THRB: variants seen among roughly 807,000 people sequenced by gnomAD.
The protein encoded by THRB is nuclear receptor subfamily 1 group A member 2.
A neutral mutation model predicts 47.8 loss-of-function variants in THRB; 12 were observed. The observed-to-expected ratio is 0.25, with a 90% CI of 0.16 to 0.41. THRB has a LOEUF of 0.41. Ranked by LOEUF, THRB falls within the 10% of genes least tolerant of loss-of-function variation. THRB has a pLI of 1.00. For synonymous variants in THRB, 218 were observed against 212.2 expected, an observed-to-expected ratio of 1.03 and a Z score of -0.24; for missense variants, 348 against 589.2, an observed-to-expected ratio of 0.59 and a Z score of 4.24.
intron 2 of THRB, among the ~76,000 whole-genome samples, chr3:24,325,920 T>TA (rs777325530): frequency 3.3e-5 from 5 of 152,184 alleles, no homozygotes; most frequent in African/African-American, 9.6e-5. Context: ...CAAAACCTGC[T>TA]AAGTGTTGAA....
chr3:24,253,593 A>G (rs369724243), intron 3 of THRB, among the ~76,000 whole-genome samples: 3 of 152,226 alleles, frequency 2.0e-5, no homozygotes, highest in South Asian at 4.1e-4. Context: ...TACAGGAGGC[A>G]GCAGATACTC....
chr3:24,187,498 C>T (rs1454218096), intron 5 of THRB, among the ~76,000 whole-genome samples: 2 of 152,154 alleles, frequency 1.3e-5, no homozygotes, highest in African/African-American at 2.4e-5. Flanking sequence ...ATCATTTCTA[C>T]ATGGGGTCCT....
Position 24,435,500 on chromosome 3 carries a change from C to T in THRB, c.-261+59152G>A, listed in dbSNP as rs564564743. On this transcript the variant is annotated intron_variant, in intron 1 of 10. Coordinates refer to ENST00000646209, the MANE Select transcript of THRB (RefSeq NM_001354712.2). ...GCACCACAGAGCCACATCCAAACCC[C>T]CCAGGGCCCTGAGCATCCCCATGTG... Among the ~76,000 whole-genome samples, 72 of 152,272 alleles carry T rather than the reference C, an allele frequency of 4.7e-4. 1 individual carries two copies. The highest frequency in any genetic ancestry group is 9.0e-4 in the Non-Finnish European group (61 of 68,018).
chr3:24,145,572 A>G (rs181933686), intron 7 of THRB, among the ~76,000 whole-genome samples: 1 of 151,368 alleles, frequency 6.6e-6, no homozygotes, highest in East Asian at 1.9e-4. Context: ...CCTTTAAGAG[A>G]TAAAGATAAA....
chr3:24,426,717 A>C (rs867236924), intron 1 of THRB, among the ~76,000 whole-genome samples: 2 of 151,992 alleles, frequency 1.3e-5, no homozygotes, highest in South Asian at 4.1e-4. Context: ...GCTCACAAGA[A>C]AATTTTTGGT....
Position 24,208,034 on chromosome 3 carries a change from C to A in THRB, c.23-17700G>T, listed in dbSNP as rs892627511. On this transcript the variant is annotated intron_variant, in intron 4 of 10. Transcript: ENST00000646209. ...AAAATCAATGTGCAAAAATCACAAG[C>A]ATTCCTATACACCAATAACAGACAA... Among the ~76,000 whole-genome samples the A allele has an allele frequency of 4.6e-5, 7 of 152,242 alleles. No homozygotes were observed. In the East Asian group the frequency reaches 1.4e-3, roughly 29 times the overall value.
At chr3:24,325,603 C>G (rs573334977) in intron 2 of THRB, among the ~76,000 whole-genome samples, 3 of 152,190 alleles carry the variant, frequency 2.0e-5, no homozygotes, top group Admixed American at 6.5e-5. Flanking sequence ...AGGAGAATCA[C>G]TTGAACCCAG....
In THRB at chr3:24,379,416, A is replaced by G. The variant is rs567899678; in HGVS notation, c.-260-42045T>C. 2.0e-5 allele frequency among the ~76,000 whole-genome samples: 3 copies of G among 152,286 alleles called. No individual in the cohort carries two copies. In the East Asian group the frequency reaches 5.8e-4, roughly 29 times the overall value. Reference sequence around the variant, plus strand: ...AATCTTGAGACGAACATTGTCTGACATGGAAAAGGACCCATGTCTCAAGCC... The same window carrying G: ...AATCTTGAGACGAACATTGTCTGACGTGGAAAAGGACCCATGTCTCAAGCC... On this transcript the variant is annotated intron_variant, in intron 1 of 10. Coordinates refer to ENST00000646209, the MANE Select transcript of THRB (RefSeq NM_001354712.2).
At chr3:24,309,845 C>T (rs1262804683) in intron 2 of THRB, among the ~76,000 whole-genome samples, 1 of 152,046 alleles carries the variant, frequency 6.6e-6, no homozygotes, top group Non-Finnish European at 1.5e-5. Context: ...TTGTAAAATA[C>T]GTAGGATGTA....
intron 1 of THRB, among the ~76,000 whole-genome samples, chr3:24,382,155 T>C (rs1179388757): frequency 6.6e-6 from 1 of 151,732 alleles, no homozygotes; most frequent in Non-Finnish European, 1.5e-5. Flanking sequence ...GAACAGATAA[T>C]AGAATGACTA....
intron 1 of THRB, among the ~76,000 whole-genome samples, chr3:24,356,060 T>C (rs1276531482): frequency 2.0e-5 from 3 of 152,114 alleles, no homozygotes; most frequent in African/African-American, 7.2e-5. Flanking sequence ...AGACAAATTA[T>C]GTGCTTCCAA....
At chr3:24,251,193 C>T (rs1237976535) in intron 3 of THRB, among the ~76,000 whole-genome samples, 2 of 151,992 alleles carry the variant, frequency 1.3e-5, no homozygotes, top group African/African-American at 4.8e-5. Flanking sequence ...CTATGTGAGA[C>T]CCTCAATGCT....
intron 1 of THRB, among the ~76,000 whole-genome samples, chr3:24,476,905 CATT>C (rs1375655143): frequency 6.6e-6 from 1 of 152,010 alleles, no homozygotes; most frequent in Non-Finnish European, 1.5e-5. Flanking sequence ...AAAATGATCT[CATT>C]ATCTCAATCA....
chr3:24,178,803 A>C (rs1179754951), intron 5 of THRB, among the ~76,000 whole-genome samples: 3 of 152,190 alleles, frequency 2.0e-5, no homozygotes, highest in Non-Finnish European at 2.9e-5. Flanking sequence ...GATGTTCGTC[A>C]AAGGGTACAT....
At chr3:24,352,197 G>C (rs2063401073) in intron 1 of THRB, among the ~76,000 whole-genome samples, 1 of 152,072 alleles carries the variant, frequency 6.6e-6, no homozygotes, top group Non-Finnish European at 1.5e-5. Flanking sequence ...TCTAACACAG[G>C]AACAAATTTA....
At chr3:24,416,952 C>T (rs2068786424) in intron 1 of THRB, among the ~76,000 whole-genome samples, 1 of 151,812 alleles carries the variant, frequency 6.6e-6, no homozygotes, top group Admixed American at 6.6e-5. Flanking sequence ...CTCAATTTGT[C>T]CAATAATTCT....
chr3:24,150,246 GA>G (rs2036706211), intron 6 of THRB, among the ~76,000 whole-genome samples: 1 of 152,162 alleles, frequency 6.6e-6, no homozygotes, highest in Non-Finnish European at 1.5e-5. Context: ...GTATGGGGTA[GA>G]AATATTTTTA....
At chr3:24,340,792 T>C (rs1576974376) in intron 1 of THRB, among the ~76,000 whole-genome samples, 1 of 152,254 alleles carries the variant, frequency 6.6e-6, no homozygotes, top group African/African-American at 2.4e-5. Context: ...TGTTTCTCCA[T>C]ATCTTTGCTA....
intron 1 of THRB, among the ~76,000 whole-genome samples, chr3:24,481,229 G>GTTTTTTTGTTTTTT (rs1696318267): frequency 7.2e-5 from 4 of 55,380 alleles, no homozygotes; most frequent in African/African-American, 3.1e-4. Context: ...GTTTCTTTCT[G>GTTTTTTTGTTTTTT]TTTTTTTTTT....
Sources: allele counts gnomAD v4.1 joint callset (sites outside exome capture counted in the v4.1 genomes callset), GRCh38; gene constraint gnomAD v4.1.1; transcripts MANE v1.5; gene names NCBI Gene and HGNC (gene_info 2026-07-23, HGNC 2026-07-21).